METTL15: variants seen among roughly 807,000 people sequenced by gnomAD.
METTL15 encodes the protein methyltransferase 15, mitochondrial 12S rRNA N4-cytidine.
Under a neutral mutation model 38.3 loss-of-function variants are expected in METTL15, and 34 were observed. That is an observed-to-expected ratio of 0.89 (90% CI 0.68 to 1.18). The LOEUF is 1.18. METTL15 is among the 50% of genes most tolerant of loss of function. METTL15 has a pLI of 0.00. For synonymous variants in METTL15, 162 were observed against 170.9 expected, an observed-to-expected ratio of 0.95 and a Z score of 0.41; for missense variants, 438 against 498.4, an observed-to-expected ratio of 0.88 and a Z score of 1.15.
intron 6 of METTL15, among the ~76,000 whole-genome samples, chr11:28,461,766 G>A (rs1302785245): frequency 1.3e-5 from 2 of 152,032 alleles, no homozygotes; most frequent in Non-Finnish European, 2.9e-5. Context: ...TGGAGTACAA[G>A]AGAAGATTTG....
At chr11:28,112,182 G>T (rs1851746606) in intron 2 of METTL15, among the ~76,000 whole-genome samples, 2 of 152,198 alleles carry the variant, frequency 1.3e-5, no homozygotes, top group African/African-American at 4.8e-5. Context: ...TATGCTTCTT[G>T]TAGTATTTTG....
Position 28,204,500 on chromosome 11 carries a change from C to G in METTL15, c.271-6562C>G, listed in dbSNP as rs887542365. On this transcript the variant is annotated intron_variant, in intron 3 of 6. Transcript: ENST00000407364. Reference sequence around the variant, plus strand: ...TAATGCCAGTTGTCTAATTCCCTCACGGAGCATTTGTTAGACCAAGTAGGA... The same window carrying G: ...TAATGCCAGTTGTCTAATTCCCTCAGGGAGCATTTGTTAGACCAAGTAGGA... Among the ~76,000 whole-genome samples the G allele has an allele frequency of 1.5e-4, 20 of 135,800 alleles. No homozygotes were observed. The South Asian group carries it at 2.1e-3, about 14-fold the overall frequency. 89.1% of individuals were successfully genotyped at this position (135,800 alleles called of 152,430 possible).
chr11:28,197,868 A>G (rs929300699), intron 3 of METTL15, among the ~76,000 whole-genome samples: 5 of 152,058 alleles, frequency 3.3e-5, no homozygotes, highest in Admixed American at 2.0e-4. Flanking sequence ...TGCTTATGAG[A>G]AGAATTTAAT....
chr11:28,508,476 C>G (rs1851648085), intron 6 of METTL15, among the ~76,000 whole-genome samples: 1 of 152,164 alleles, frequency 6.6e-6, no homozygotes, highest in African/African-American at 2.4e-5. Context: ...ATCCAACTAC[C>G]TACTTATCCA....
chr11:28,418,001 A>C (rs959815577), intron 5 of METTL15, among the ~76,000 whole-genome samples: 5 of 152,164 alleles, frequency 3.3e-5, no homozygotes, highest in Admixed American at 1.3e-4. Context: ...ACAGGCTTTA[A>C]TAGAGCCTAT....
chr11:28,157,645 T>TATTA (rs1850308615), intron 3 of METTL15, among the ~76,000 whole-genome samples: 1 of 152,154 alleles, frequency 6.6e-6, no homozygotes, highest in African/African-American at 2.4e-5. Flanking sequence ...CCCATCTAGG[T>TATTA]ATTAATTGGG....
chr11:28,422,101 A>G (rs1850825663), intron 5 of METTL15, among the ~76,000 whole-genome samples: 1 of 152,058 alleles, frequency 6.6e-6, no homozygotes, highest in African/African-American at 2.4e-5. Context: ...AGCTATATAT[A>G]AAATTAAATA....
chr11:28,176,532 A>T (rs891101324), intron 3 of METTL15, among the ~76,000 whole-genome samples: 1 of 152,202 alleles, frequency 6.6e-6, no homozygotes, highest in African/African-American at 2.4e-5. Context: ...GGGTTAAATC[A>T]GTTAATATTA....
At chr11:28,397,853 T>G (rs914310388) in intron 5 of METTL15, among the ~76,000 whole-genome samples, 7 of 152,116 alleles carry the variant, frequency 4.6e-5, no homozygotes, top group Non-Finnish European at 1.0e-4. Flanking sequence ...TGTCCATCAA[T>G]GATAGACTGG....
intron 3 of METTL15, chr11:28,145,708 A>G (rs1015088753): frequency 2.0e-5 from 3 of 152,094 alleles, no homozygotes; most frequent in Non-Finnish European, 4.4e-5. Flanking sequence ...AATTGCTTAC[A>G]TTATTACTCT....
intron 5 of METTL15, among the ~76,000 whole-genome samples, chr11:28,374,119 T>A (rs1489469658): frequency 6.6e-6 from 1 of 152,210 alleles, no homozygotes; most frequent in Non-Finnish European, 1.5e-5. Context: ...AGCTTTGTTC[T>A]TTTGGCTTAG....
intron 3 of METTL15, among the ~76,000 whole-genome samples, chr11:28,165,320 T>A (rs1019407257): frequency 1.9e-4 from 29 of 152,140 alleles, no homozygotes; most frequent in African/African-American, 6.8e-4. Context: ...AGGATTATTA[T>A]TTCCACATCC....
chr11:28,165,152 G>A (rs1850612783), intron 3 of METTL15, among the ~76,000 whole-genome samples: 1 of 152,094 alleles, frequency 6.6e-6, no homozygotes, highest in South Asian at 2.1e-4. Flanking sequence ...AATGAACATG[G>A]GAGTGCAGAT....
At chr11:28,281,200 G>A (rs1477667447) in intron 4 of METTL15, among the ~76,000 whole-genome samples, 2 of 152,074 alleles carry the variant, frequency 1.3e-5, no homozygotes, top group Admixed American at 1.3e-4. Flanking sequence ...TGAGTTGATT[G>A]GAAACTGAAT....
chr11:28,254,163 T>G (rs1015234719), intron 4 of METTL15, among the ~76,000 whole-genome samples: 6 of 152,152 alleles, frequency 3.9e-5, no homozygotes, highest in African/African-American at 1.4e-4. Flanking sequence ...TCTTTGGATA[T>G]AAACCATTTC....
At chr11:28,219,991 A>C (rs1339419525) in intron 4 of METTL15, among the ~76,000 whole-genome samples, 1 of 152,168 alleles carries the variant, frequency 6.6e-6, no homozygotes, top group Admixed American at 6.5e-5. Flanking sequence ...CTATGTGGTC[A>C]ATTTTGGAAT....
chr11:28,236,781 T>C (rs557029326), intron 4 of METTL15, among the ~76,000 whole-genome samples: 35 of 152,292 alleles, frequency 2.3e-4, no homozygotes, highest in Middle Eastern at 3.4e-3. Context: ...TCAGGAGCTC[T>C]TTTAGGGCAG....
chr11:28,459,826 G>C (rs1020913253), intron 6 of METTL15, among the ~76,000 whole-genome samples: 3 of 152,032 alleles, frequency 2.0e-5, no homozygotes, highest in African/African-American at 7.2e-5. Flanking sequence ...GTCATTTATT[G>C]TTGGTGTCCA....
At chr11:28,215,008 G>A (rs1234201873) in intron 4 of METTL15, among the ~76,000 whole-genome samples, 2 of 152,138 alleles carry the variant, frequency 1.3e-5, no homozygotes, top group African/African-American at 4.8e-5. Flanking sequence ...ACATGGCATA[G>A]GAGCCTTCAG....
Sources: allele counts gnomAD v4.1 joint callset (sites outside exome capture counted in the v4.1 genomes callset), GRCh38; gene constraint gnomAD v4.1.1; transcripts MANE v1.5; gene names NCBI Gene and HGNC (gene_info 2026-07-23, HGNC 2026-07-21).